The following MYCBP2 variants were observed in gnomAD, a reference collection of about 807,000 sequenced individuals.
The protein encoded by MYCBP2 is E3 ubiquitin-protein ligase MYCBP2.
MYCBP2 carries 120 observed loss-of-function variants against 525.3 expected under a neutral mutation model. The ratio of observed to expected loss-of-function variants is 0.23; its 90% CI spans 0.20 to 0.27. MYCBP2 has a LOEUF of 0.27. Ranked by LOEUF, MYCBP2 falls within the 10% of genes least tolerant of loss-of-function variation. The pLI, the probability that MYCBP2 is intolerant of heterozygous loss-of-function variation, is 1.00. For missense variants in MYCBP2, 4,149 were observed against 5,657.1 expected, an observed-to-expected ratio of 0.73 and a Z score of 8.55; for synonymous variants, 1,894 against 1,955.8, an observed-to-expected ratio of 0.97 and a Z score of 0.83.
At position 77,326,766 on chromosome 13, in the gene MYCBP2, A is replaced by ACAT; in HGVS notation, c.7_9dup (p.Met3dup). 1.4e-6 allele frequency: 2 copies of ACAT among 1,415,402 alleles called. No homozygotes were observed. Among genetic ancestry groups the ACAT allele is most frequent in the African/African-American group, 3.1e-5 (2 of 65,410 alleles). The allele number at this position is 1,415,402 out of a possible 1,614,324, so 87.7% of individuals were successfully genotyped here. On this transcript the variant is annotated inframe_insertion, in exon 1 of 83. Transcript: ENST00000544440. The surrounding 1 kb of genome is among the most constrained non-coding windows in gnomAD (Gnocchi z 4.2). ...GCGGCGGGGGAGGCAGTCGCTGCGC[A>ACAT]CATCATCATCCTCGCCGCCGCCGCC... is the stretch of plus-strand genomic sequence containing the variant.
At chr13:77,257,437 C>T (rs2072439106) in intron 14 of MYCBP2, among the ~76,000 whole-genome samples, 2 of 151,972 alleles carry the variant, frequency 1.3e-5, no homozygotes, top group South Asian at 4.2e-4. Flanking sequence ...ATGATGGAGA[C>T]CCCATTTACC....
At chr13:77,304,152 G>A (rs905557908) in intron 1 of MYCBP2, among the ~76,000 whole-genome samples, 3 of 152,056 alleles carry the variant, frequency 2.0e-5, no homozygotes, top group South Asian at 2.1e-4. Context: ...AAAAAAATCC[G>A]TATGTTGAAA....
intron 8 of MYCBP2, among the ~76,000 whole-genome samples, 191 bp downstream of exon 8, chr13:77,267,650 A>G (rs2154342315): frequency 6.6e-6 from 1 of 152,290 alleles, no homozygotes; most frequent in Middle Eastern, 3.4e-3. Context: ...AACTTGTTAT[A>G]TTTCTATGTC....
chr13:77,126,954 A>G (rs754153708), intron 52 of MYCBP2, among the ~76,000 whole-genome samples: 4 of 152,100 alleles, frequency 2.6e-5, no homozygotes, highest in Admixed American at 1.3e-4. Flanking sequence ...AAAAAAGTCT[A>G]AATATTCATT....
chr13:77,141,766 G>A (rs568485913), intron 49 of MYCBP2, among the ~76,000 whole-genome samples: 1 of 126,622 alleles, frequency 7.9e-6, no homozygotes, highest in Admixed American at 8.2e-5. Context: ...GTGAGACTCT[G>A]TCTCAAAAAA....
intron 44 of MYCBP2, 84 bp from the exon 45 acceptor site, chr13:77,158,193 G>T: frequency 2.3e-6 from 2 of 854,886 alleles, no homozygotes; most frequent in Non-Finnish European, 3.3e-6. Flanking sequence ...GATACTTTCA[G>T]ATAGGCCTTT....
intron 2 of MYCBP2, among the ~76,000 whole-genome samples, chr13:77,294,133 TATATATATAC>T (rs2077902843): frequency 1.6e-5 from 2 of 127,270 alleles, no homozygotes; most frequent in African/African-American, 2.8e-5. Flanking sequence ...TATATATACA[TATATATATAC>T]ATATATATAA....
chr13:77,162,148 T>C (rs1393558409), intron 43 of MYCBP2, among the ~76,000 whole-genome samples, 193 bp from the exon 44 acceptor site: 1 of 152,220 alleles, frequency 6.6e-6, no homozygotes, highest in African/African-American at 2.4e-5. Flanking sequence ...GGGAATATAC[T>C]ACAATTCTCA....
intron 59 of MYCBP2, among the ~76,000 whole-genome samples, chr13:77,092,069 T>C (rs1465517138): frequency 1.7e-5 from 2 of 117,156 alleles, no homozygotes; most frequent in African/African-American, 3.2e-5. Flanking sequence ...AGAAGTTGCA[T>C]GTATTTTTAA....
intron 1 of MYCBP2, among the ~76,000 whole-genome samples, chr13:77,321,080 T>C (rs1240804017): frequency 6.6e-6 from 1 of 152,246 alleles, no homozygotes; most frequent in Non-Finnish European, 1.5e-5. Context: ...TGAATTTTAT[T>C]GTATATAAAT....
intron 52 of MYCBP2, among the ~76,000 whole-genome samples, chr13:77,135,524 A>G (rs934283795): frequency 3.3e-5 from 5 of 152,224 alleles, no homozygotes; most frequent in African/African-American, 1.2e-4. Flanking sequence ...TAGTCCCTAC[A>G]GAAAATCATA....
chr13:77,211,210 C>A lies in MYCBP2; in HGVS notation c.3373G>T (p.Gly1125Ter). Residue 1125 changes from glycine (G) to a stop codon, truncating the protein, a stop_gained, in exon 23 of 83, where the codon GGA becomes TGA. Transcript: ENST00000544440. LOFTEE classifies it high-confidence loss of function. Reference sequence around the variant, plus strand: ...ACAGGATCAAGACACACACCAAATCCTTGCAGATCCTCTTGTTCTGAGTCA... The same window carrying A: ...ACAGGATCAAGACACACACCAAATCATTGCAGATCCTCTTGTTCTGAGTCA... ...FNDSEQEDLQ[G>*]FGVCLDPVYD... 1 of 1,525,794 alleles carries A rather than the reference C, an allele frequency of 6.6e-7. No individual in the cohort carries two copies. Among genetic ancestry groups the A allele is most frequent in the Non-Finnish European group, 8.8e-7 (1 of 1,133,578 alleles). The allele number at this position is 1,525,794 out of a possible 1,614,324, so 94.5% of individuals were successfully genotyped here.
In MYCBP2 at chr13:77,221,149, T is replaced by C. The variant is rs1172452003; in HGVS notation, c.2940-3192A>G. Among the ~76,000 whole-genome samples, 5 of 131,156 alleles carry C rather than the reference T, an allele frequency of 3.8e-5. No individual in the cohort carries two copies. In the South Asian group the frequency reaches 9.6e-4, roughly 25 times the overall value. 86.0% of individuals were successfully genotyped at this position (131,156 alleles called of 152,430 possible). A position where few individuals can be genotyped will look rare whatever the true frequency, so the allele number is the denominator to read the frequency against. On this transcript the variant is annotated intron_variant, in intron 20 of 82. Coordinates refer to ENST00000544440, the MANE Select transcript of MYCBP2 (RefSeq NM_015057.5). ...ACCACTGTGTAGATCCTACCAATGT[T>C]TAATCTTCATAAGAAACCCTGATAT...
intron 62 of MYCBP2, among the ~76,000 whole-genome samples, chr13:77,086,625 T>A (rs2044330378): frequency 6.6e-6 from 1 of 152,168 alleles, no homozygotes; most frequent in African/African-American, 2.4e-5. Flanking sequence ...TTGTATTTTT[T>A]ATTTACTTTT....
chr13:77,136,781 C>T (rs2053825136), intron 52 of MYCBP2, among the ~76,000 whole-genome samples: 1 of 152,110 alleles, frequency 6.6e-6, no homozygotes, highest in Admixed American at 6.5e-5. Context: ...CAACCTCTTC[C>T]CTTCGTCCCT....
Position 77,067,154 on chromosome 13 carries a change from T to A in MYCBP2, c.12455+427A>T, listed in dbSNP as rs1015003215. On this transcript the variant is annotated intron_variant, in intron 71 of 82. Coordinates refer to ENST00000544440, the MANE Select transcript of MYCBP2 (RefSeq NM_015057.5). ...TTTGTTTAAGAAGGTCTTATCAAAT[T>A]GAAGATTACAAAAATATTCTTCTAT... Among the ~76,000 whole-genome samples, 3 of 152,166 alleles carry A rather than the reference T, an allele frequency of 2.0e-5. 1 individual carries two copies. The highest frequency in any genetic ancestry group is 4.1e-4 in the South Asian group (2 of 4,828).
Position 77,107,468 on chromosome 13 carries a change from G to A in MYCBP2, c.8141-8455C>T, listed in dbSNP as rs2048019762. Among the ~76,000 whole-genome samples, 4 of 152,132 alleles carry A rather than the reference G, an allele frequency of 2.6e-5. No homozygotes were observed. In the South Asian group the frequency reaches 8.3e-4, roughly 31 times the overall value. On this transcript the variant is annotated intron_variant, in intron 55 of 82. Transcript: ENST00000544440. ...AGAAAGTGACAGGACTAGGCACAGT[G>A]GCTCAAGTCCGTTATCCTAGCACTT...
intron 55 of MYCBP2, among the ~76,000 whole-genome samples, chr13:77,101,174 A>G (rs1328259390): frequency 1.3e-5 from 2 of 152,088 alleles, no homozygotes; most frequent in Admixed American, 1.3e-4. Context: ...ATGGGAATCT[A>G]GACAAACAAT....
chr13:77,110,620 T>C (rs764951788), intron 55 of MYCBP2, among the ~76,000 whole-genome samples: 2 of 152,168 alleles, frequency 1.3e-5, no homozygotes, highest in Non-Finnish European at 2.9e-5. Flanking sequence ...AAAACCTGCT[T>C]AATAAAAACC....
Sources: gnomAD v4.1 joint callset for allele counts (sites outside exome capture counted in the v4.1 genomes callset) on GRCh38, gnomAD v4.1.1 for gene constraint, Gnocchi (gnomAD v3.1) non-coding constraint, MANE v1.5 for transcripts, NCBI Gene and HGNC (gene_info 2026-07-23, HGNC 2026-07-21) for gene names.